ACER2: variants seen among roughly 807,000 people sequenced by gnomAD.
The protein encoded by ACER2 is alkaline ceramidase 2, also known as alkCDase 2.
A neutral mutation model predicts 34.7 loss-of-function variants in ACER2; 26 were observed. The ratio of observed to expected loss-of-function variants is 0.75; its 90% CI spans 0.55 to 1.04. ACER2 has a LOEUF of 1.04. Ranked by LOEUF, ACER2 falls within the 50% of genes least tolerant of loss-of-function variation. ACER2 has a pLI of 0.00. For synonymous variants in ACER2, 138 were observed against 132.1 expected, an observed-to-expected ratio of 1.04 and a Z score of -0.31; for missense variants, 352 against 340.8, an observed-to-expected ratio of 1.03 and a Z score of -0.26.
chr9:19,421,939 G>A (rs1210880298), intron 1 of ACER2, among the ~76,000 whole-genome samples: 1 of 152,156 alleles, frequency 6.6e-6, no homozygotes, highest in East Asian at 1.9e-4. Flanking sequence ...ACTGAGGCTT[G>A]TTGTGAGTGT....
At chr9:19,432,584 A>G (rs1830791291) in intron 3 of ACER2, among the ~76,000 whole-genome samples, 2 of 149,638 alleles carry the variant, frequency 1.3e-5, no homozygotes, top group Non-Finnish European at 1.5e-5. Flanking sequence ...GTGTGTATAT[A>G]TATGATTTAT....
chr9:19,413,275 T>A (rs1830143362), intron 1 of ACER2, among the ~76,000 whole-genome samples: 1 of 152,218 alleles, frequency 6.6e-6, no homozygotes, highest in Admixed American at 6.5e-5. Context: ...ACAAATTTTA[T>A]TAATTGAGTT....
At position 19,450,757 on chromosome 9, in the gene ACER2, T is replaced by C. The variant is rs143913336; in HGVS notation, c.*121T>C. On this transcript the variant is annotated 3_prime_UTR_variant, in exon 6 of 6. Coordinates refer to ENST00000340967, the MANE Select transcript of ACER2 (RefSeq NM_001010887.3). ...GTGGGCTATCTTTTCAAAAATCTAT[T>C]TGCTGGGGCTCTTAATTTCTTTAGT... 3,575 of 954,078 alleles carry C rather than the reference T, an allele frequency of 3.7e-3. 116 individuals are homozygous for C. In the East Asian group the frequency reaches 0.068, roughly 18 times the overall value. The allele number at this position is 954,078 out of a possible 1,614,324, so 59.1% of individuals were successfully genotyped here.
At chr9:19,449,161 AGCATCTAGGCTTG>A (rs1209875098) in intron 5 of ACER2, among the ~76,000 whole-genome samples, 1 of 152,228 alleles carries the variant, frequency 6.6e-6, no homozygotes, top group East Asian at 1.9e-4. Flanking sequence ...GTTTATATTC[AGCATCTAGGCTTG>A]GCACATAGTA....
chr9:19,445,859 T>C (rs1283142853), intron 4 of ACER2, among the ~76,000 whole-genome samples: 1 of 152,124 alleles, frequency 6.6e-6, no homozygotes, highest in African/African-American at 2.4e-5. Context: ...GAGACTCTGA[T>C]GAGATGGCGG....
chr9:19,439,578 T>G (rs1033484160), intron 4 of ACER2, among the ~76,000 whole-genome samples: 3 of 152,092 alleles, frequency 2.0e-5, no homozygotes, highest in Non-Finnish European at 4.4e-5. Context: ...CACATCTGAG[T>G]CTCTACTGCC....
At chr9:19,440,411 C>G (rs1003640349) in intron 4 of ACER2, among the ~76,000 whole-genome samples, 3 of 152,118 alleles carry the variant, frequency 2.0e-5, no homozygotes, top group African/African-American at 4.8e-5. Flanking sequence ...GAGGTGGGCC[C>G]TTTTGGAAGG....
intron 4 of ACER2, 88 bp downstream of exon 4, chr9:19,435,172 G>C: frequency 6.7e-7 from 1 of 1,484,684 alleles, no homozygotes; most frequent in African/African-American, 1.4e-5. Context: ...TGTAGCAGAA[G>C]AGGAGTTTTA....
rs199672118 is a variant in ACER2, at chr9:19,446,446, C to T, written c.641+28C>T. 186 of 1,613,636 alleles carry T rather than the reference C, an allele frequency of 1.2e-4. 1 individual carries two copies. Among genetic ancestry groups the T allele is most frequent in the African/African-American group, 4.1e-4 (31 of 74,874 alleles). ...AAGCCCCTGCTAATGGGGAGGTGGC[C>T]GGGGACAGGTGTGTTTGCACTTGCT... On this transcript the variant is annotated intron_variant, in intron 5 of 5. Transcript: ENST00000340967.
In ACER2 at chr9:19,419,581, C is replaced by T. The variant is rs61134154; in HGVS notation, c.109-4281C>T. On this transcript the variant is annotated intron_variant, in intron 1 of 5. Coordinates refer to ENST00000340967, the MANE Select transcript of ACER2 (RefSeq NM_001010887.3). The stretch of plus-strand genomic sequence containing the variant: ...AGGAGTTGAAGACCAGCCTGGCCAA[C>T]GTGATGAAACTCTGTCTCTACTAAA... 9.8e-3 allele frequency among the ~76,000 whole-genome samples: 1,494 copies of T among 152,238 alleles called. 27 individuals are homozygous for T. The highest frequency in any genetic ancestry group is 0.034 in the African/African-American group (1,404 of 41,536).
rs1479543553 is a variant in ACER2, at chr9:19,434,872, C to T, written c.366-75C>T. ...GCTTGTATTTCTGGCAATGCCTGTA[C>T]CTTGCTAACATTAAACAAACAAACA... On this transcript the variant is annotated intron_variant, in intron 3 of 5. Transcript: ENST00000340967. 39 of 1,575,920 alleles carry T rather than the reference C, an allele frequency of 2.5e-5. No homozygotes were observed. The South Asian group carries it at 4.2e-4, about 17-fold the overall frequency.
intron 1 of ACER2, among the ~76,000 whole-genome samples, chr9:19,421,445 A>G (rs1371499149): frequency 6.6e-6 from 1 of 152,236 alleles, no homozygotes; most frequent in Non-Finnish European, 1.5e-5. Context: ...TGTAATATGG[A>G]TGAACCTTAA....
chr9:19,439,640 C>T (rs1030304712), intron 4 of ACER2, among the ~76,000 whole-genome samples: 3 of 152,190 alleles, frequency 2.0e-5, no homozygotes, highest in African/African-American at 7.2e-5. Context: ...TAGCTACTAC[C>T]CTTTCACCCT....
At chr9:19,427,720 G>A (rs1465831497) in intron 3 of ACER2, among the ~76,000 whole-genome samples, 1 of 142,700 alleles carries the variant, frequency 7.0e-6, no homozygotes, top group Non-Finnish European at 1.5e-5. Context: ...AGGCTGGAGT[G>A]CTGTGGCACA....
At chr9:19,446,499 T>G in intron 5 of ACER2, 81 bp downstream of exon 5, 3 of 1,595,260 alleles carry the variant, frequency 1.9e-6, no homozygotes, top group Non-Finnish European at 2.6e-6. Context: ...CTGCAAGTGG[T>G]GCACAGGTGT....
chr9:19,443,620 AG>A (rs1215289878), intron 4 of ACER2, among the ~76,000 whole-genome samples: 4 of 152,220 alleles, frequency 2.6e-5, no homozygotes, highest in Non-Finnish European at 5.9e-5. Flanking sequence ...TGAATAAAAC[AG>A]GGGTAGTTCC....
chr9:19,414,928 A>C (rs1335694912), intron 1 of ACER2, among the ~76,000 whole-genome samples: 2 of 151,170 alleles, frequency 1.3e-5, no homozygotes, highest in Non-Finnish European at 2.9e-5. Context: ...GATACATCTC[A>C]GTAGAGATGG....
At position 19,437,585 on chromosome 9, in the gene ACER2, G is replaced by A. The variant is rs546603556; in HGVS notation, c.503+2501G>A. On this transcript the variant is annotated intron_variant, in intron 4 of 5. Coordinates refer to ENST00000340967, the MANE Select transcript of ACER2 (RefSeq NM_001010887.3). ...TTACAAAAACCTTCAGTGGCGCCTCGTTGTCTAAGCTTCCCTTAGAGCTTT... is the reference window on the plus strand; with the variant it reads ...TTACAAAAACCTTCAGTGGCGCCTCATTGTCTAAGCTTCCCTTAGAGCTTT... Among the ~76,000 whole-genome samples, 8 of 152,138 alleles carry A rather than the reference G, an allele frequency of 5.3e-5. No homozygotes were observed. The South Asian group carries it at 1.2e-3, about 24-fold the overall frequency.
chr9:19,436,260 A>T (rs1830970770), intron 4 of ACER2, among the ~76,000 whole-genome samples: 1 of 151,998 alleles, frequency 6.6e-6, no homozygotes, highest in Non-Finnish European at 1.5e-5. Flanking sequence ...TCCCCTCCCC[A>T]TCTTTAGTCT....
Sources: allele counts gnomAD v4.1 joint callset (sites outside exome capture counted in the v4.1 genomes callset), GRCh38; gene constraint gnomAD v4.1.1; transcripts MANE v1.5; gene names NCBI Gene and HGNC (gene_info 2026-07-23, HGNC 2026-07-21).